The following OSBPL6 variants were observed in gnomAD, a reference collection of about 807,000 sequenced individuals.
OSBPL6 encodes the protein oxysterol-binding protein-related protein 6.
In OSBPL6, 49 loss-of-function variants were observed where a neutral mutation model predicts 125.8. The observed-to-expected ratio is 0.39, with a 90% CI of 0.31 to 0.49. The LOEUF (loss-of-function observed/expected upper bound fraction) is 0.49. OSBPL6 is among the 20% of genes least tolerant of loss of function. OSBPL6 has a pLI of 0.88. For missense variants in OSBPL6, 986 were observed against 1,135.4 expected, an observed-to-expected ratio of 0.87 and a Z score of 1.89; for synonymous variants, 394 against 391.8, an observed-to-expected ratio of 1.01 and a Z score of -0.07.
At chr2:178,203,659 G>A (rs978336521) in intron 1 of OSBPL6, among the ~76,000 whole-genome samples, 1 of 152,110 alleles carries the variant, frequency 6.6e-6, no homozygotes, top group East Asian at 1.9e-4. Flanking sequence ...ACCTTGTTGG[G>A]TGCTGGATAT....
chr2:178,373,854 A>G (rs1376348550), intron 14 of OSBPL6, 36 bp from the exon 15 acceptor site: 2 of 1,609,782 alleles, frequency 1.2e-6, no homozygotes, highest in Non-Finnish European at 1.7e-6. Context: ...TAACAGGGAG[A>G]AAAGCAATTA....
rs1346191383 is a variant in OSBPL6 at position 178,382,956 on chromosome 2, A to T, written c.1622-68A>T. On this transcript the variant is annotated intron_variant, in intron 16 of 24. Transcript: ENST00000190611. Reference sequence around the variant, plus strand: ...TCAAAATCAGATTTATTTGAAAGTTATTTCCCTTCTTGATTTTGTGAAATC... The same window carrying T: ...TCAAAATCAGATTTATTTGAAAGTTTTTTCCCTTCTTGATTTTGTGAAATC... 28 of 1,565,410 alleles carry T rather than the reference A, an allele frequency of 1.8e-5. No individual in the cohort carries two copies. In the East Asian group the frequency reaches 2.7e-4, roughly 15 times the overall value.
intron 2 of OSBPL6, among the ~76,000 whole-genome samples, chr2:178,298,778 G>C (rs907596264): frequency 6.6e-6 from 1 of 151,344 alleles, no homozygotes; most frequent in Non-Finnish European, 1.5e-5. Context: ...AATGCACAAG[G>C]GTTGGTTCAA....
At chr2:178,333,432 A>G (rs952464951) in intron 8 of OSBPL6, among the ~76,000 whole-genome samples, 1 of 152,224 alleles carries the variant, frequency 6.6e-6, no homozygotes, top group African/African-American at 2.4e-5. Context: ...ATGCAAATGC[A>G]TAACTGAGTC....
At chr2:178,341,458 T>A (rs78212262) in intron 11 of OSBPL6, among the ~76,000 whole-genome samples, 6,859 of 151,090 alleles carry the variant, frequency 0.045, 212 homozygotes, top group South Asian at 0.15. Flanking sequence ...CAGGAGAAAA[T>A]GTCCAAAAAG....
chr2:178,288,160 G>T lies in OSBPL6; in HGVS notation c.-156+3039G>T, dbSNP rs1387378897. 2.0e-5 allele frequency among the ~76,000 whole-genome samples: 3 copies of T among 152,126 alleles called. 1 individual carries two copies. Among genetic ancestry groups the T allele is most frequent in the Admixed American group, 2.0e-4 (3 of 15,266 alleles). On this transcript the variant is annotated intron_variant, in intron 2 of 24. Transcript: ENST00000190611. The stretch of plus-strand genomic sequence containing the variant: ...ATAGCAAGCAGGAATTGGCAATGCA[G>T]ACACCATTTCACCTGCCCTGTTTCT...
chr2:178,328,729 C>T (rs941793466), intron 5 of OSBPL6, among the ~76,000 whole-genome samples: 1 of 152,136 alleles, frequency 6.6e-6, no homozygotes, highest in Non-Finnish European at 1.5e-5. Flanking sequence ...CCCAAGTGAT[C>T]CGCCCACCTC....
chr2:178,330,889 CTGT>C (rs1344240178), intron 5 of OSBPL6, among the ~76,000 whole-genome samples: 1 of 152,150 alleles, frequency 6.6e-6, no homozygotes, highest in African/African-American at 2.4e-5. Context: ...TCCATTCAGA[CTGT>C]ACTAGGATTA....
At chr2:178,370,094 A>G (rs190704529) in intron 13 of OSBPL6, among the ~76,000 whole-genome samples, 20 of 152,156 alleles carry the variant, frequency 1.3e-4, no homozygotes, top group African/African-American at 4.8e-4. Flanking sequence ...GCAAAACTTC[A>G]TCTCTACTAA....
intron 1 of OSBPL6, among the ~76,000 whole-genome samples, chr2:178,196,667 G>A (rs1229091091): frequency 6.6e-6 from 1 of 152,134 alleles, no homozygotes; most frequent in Non-Finnish European, 1.5e-5. Flanking sequence ...CACAGATACC[G>A]GATTAGGTAA....
At chr2:178,297,288 A>G (rs1217075603) in intron 2 of OSBPL6, among the ~76,000 whole-genome samples, 2 of 152,148 alleles carry the variant, frequency 1.3e-5, no homozygotes, top group Admixed American at 6.5e-5. Context: ...GGTTATCTTT[A>G]GGCAAATATA....
At chr2:178,360,311 G>A (rs1692228601) in intron 12 of OSBPL6, among the ~76,000 whole-genome samples, 2 of 152,150 alleles carry the variant, frequency 1.3e-5, no homozygotes. Flanking sequence ...GTTAATAATA[G>A]TGTGTTATAT....
At chr2:178,249,741 A>G (rs1411862440) in intron 1 of OSBPL6, among the ~76,000 whole-genome samples, 1 of 151,836 alleles carries the variant, frequency 6.6e-6, no homozygotes, top group Non-Finnish European at 1.5e-5. Context: ...GTTGTTATCA[A>G]TATGCTGTTG....
chr2:178,261,216 G>A (rs575118760), intron 1 of OSBPL6, among the ~76,000 whole-genome samples: 6 of 152,156 alleles, frequency 3.9e-5, no homozygotes, highest in African/African-American at 1.4e-4. Context: ...TTTAAAACTG[G>A]AAGAAAGGAA....
At chr2:178,332,482 A>G (rs1435360811) in intron 6 of OSBPL6, among the ~76,000 whole-genome samples, 159 bp from the exon 7 acceptor site, 1 of 152,212 alleles carries the variant, frequency 6.6e-6, no homozygotes, top group Non-Finnish European at 1.5e-5. Context: ...CTAGAACCTA[A>G]TCCATAGAAC....
intron 13 of OSBPL6, among the ~76,000 whole-genome samples, chr2:178,363,656 G>A (rs552483046): frequency 6.6e-6 from 1 of 152,300 alleles, no homozygotes; most frequent in Admixed American, 6.5e-5. Flanking sequence ...AGGGTCTGAT[G>A]CTAACATGAT....
chr2:178,394,479 G>A, intron 24 of OSBPL6, 44 bp downstream of exon 24: 1 of 1,574,354 alleles, frequency 6.4e-7, no homozygotes, highest in Non-Finnish European at 8.6e-7. Flanking sequence ...TTTGCAAATG[G>A]TTGCCACAGG....
intron 5 of OSBPL6, among the ~76,000 whole-genome samples, chr2:178,331,218 T>C (rs1689171261): frequency 6.6e-6 from 1 of 152,222 alleles, no homozygotes. Flanking sequence ...TGTGATCATT[T>C]CTCACTTTGA....
intron 1 of OSBPL6, among the ~76,000 whole-genome samples, chr2:178,209,442 T>TC (rs951601317): frequency 7.0e-5 from 7 of 99,512 alleles, no homozygotes; most frequent in African/African-American, 2.6e-4. Flanking sequence ...TTTCTTTCTT[T>TC]TTTTTTTTTT....
Sources: gnomAD v4.1 joint callset for allele counts (sites outside exome capture counted in the v4.1 genomes callset) on GRCh38, gnomAD v4.1.1 for gene constraint, MANE v1.5 for transcripts, NCBI Gene and HGNC (gene_info 2026-07-23, HGNC 2026-07-21) for gene names.